Variants in ADGRV1 observed in about 807,000 individuals in gnomAD.
The protein encoded by ADGRV1 is G-protein coupled receptor 98.
ADGRV1 carries 359 observed loss-of-function variants against 596.2 expected under a neutral mutation model. The ratio of observed to expected loss-of-function variants is 0.60; its 90% CI spans 0.55 to 0.66. The LOEUF (loss-of-function observed/expected upper bound fraction) is 0.66, where lower values mean the gene tolerates loss of function less well. Among genes scored for constraint, ADGRV1 ranks in the 30% least tolerant of loss-of-function variants. The pLI is 0.00. For synonymous variants in ADGRV1, 2,681 were observed against 2,679.2 expected, an observed-to-expected ratio of 1.00 and a Z score of -0.02; for missense variants, 7,274 against 7,575.6, an observed-to-expected ratio of 0.96 and a Z score of 1.48.
intron 84 of ADGRV1, 32 bp from the exon 85 acceptor site, chr5:90,985,312 G>C: frequency 6.6e-7 from 1 of 1,524,698 alleles, no homozygotes; most frequent in Non-Finnish European, 8.9e-7. Context: ...TTAAAGAAGA[G>C]CCTGTTCATT....
chr5:90,972,190 A>C (rs1235979263), intron 84 of ADGRV1, among the ~76,000 whole-genome samples: 1 of 152,202 alleles, frequency 6.6e-6, no homozygotes, highest in Non-Finnish European at 1.5e-5. Flanking sequence ...AGGAGCACCC[A>C]GATTCATAAA....
intron 85 of ADGRV1, among the ~76,000 whole-genome samples, chr5:91,061,993 G>T (rs1032761860): frequency 6.6e-6 from 1 of 152,166 alleles, no homozygotes; most frequent in Non-Finnish European, 1.5e-5. Flanking sequence ...GAGTATAGCA[G>T]TATACCACAG....
intron 77 of ADGRV1, among the ~76,000 whole-genome samples, chr5:90,832,702 T>G (rs1186790819): frequency 6.6e-6 from 1 of 152,230 alleles, no homozygotes; most frequent in East Asian, 1.9e-4. Flanking sequence ...CAACATTTTC[T>G]TGTAGTAGTT....
In ADGRV1 at chr5:90,653,951, C is replaced by T. The variant is rs745380273; in HGVS notation, c.4377C>T (p.Asp1459=). ...IKSLKGEAIT[D]GPGILRIGAG... is the part of the protein sequence containing the mutation. The stretch of plus-strand genomic sequence containing the variant: ...GTCTGAAAGGAGAAGCCATTACTGA[C>T]GGTGAGGGTCATCATCACAACTAGG... Residue 1459 remains aspartate (D), a splice_region_variant and synonymous_variant, in exon 20 of 90, where the codon GAC becomes GAT. Transcript: ENST00000405460. 109 of 1,554,020 alleles carry T rather than the reference C, an allele frequency of 7.0e-5. No individual in the cohort carries two copies. Among genetic ancestry groups the T allele is most frequent in the Non-Finnish European group, 8.7e-5 (100 of 1,148,122 alleles).
At position 90,686,990 on chromosome 5, in the gene ADGRV1, T is replaced by C. The variant is rs994000879; in HGVS notation, c.6490+995T>C. ...GTGATGATGAGCATTTCTTCATGTG[T>C]TTTTTGGCTGCATAAATGTCTTCTT... On this transcript the variant is annotated intron_variant, in intron 29 of 89. Coordinates refer to ENST00000405460, the MANE Select transcript of ADGRV1 (RefSeq NM_032119.4). Among the ~76,000 whole-genome samples, 3 of 152,176 alleles carry C rather than the reference T, an allele frequency of 2.0e-5. 1 individual carries two copies. Among genetic ancestry groups the C allele is most frequent in the African/African-American group, 7.2e-5 (3 of 41,426 alleles).
chr5:90,699,144 G>A (rs1747577445), intron 34 of ADGRV1, among the ~76,000 whole-genome samples: 1 of 152,128 alleles, frequency 6.6e-6, no homozygotes, highest in African/African-American at 2.4e-5. Context: ...TCACTTTGCT[G>A]TGATATCCAA....
In ADGRV1 at chr5:90,625,253, T is replaced by C. The variant is rs1343056512; in HGVS notation, c.672+10T>C. 2.0e-6 allele frequency: 3 copies of C among 1,526,464 alleles called. No individual in the cohort carries two copies. Among genetic ancestry groups the C allele is most frequent in the Non-Finnish European group, 2.7e-6 (3 of 1,101,632 alleles). 94.6% of individuals were successfully genotyped at this position (1,526,464 alleles called of 1,614,324 possible). A position where few individuals can be genotyped will look rare whatever the true frequency, so the allele number is the denominator to read the frequency against. On this transcript the variant is annotated intron_variant, in intron 6 of 89. Transcript: ENST00000405460. Reference sequence around the variant, plus strand: ...AGTACTCGATGACGAGGTTGGCTAATGTTACATACCCAAATGGGACAAGGA... The same window carrying C: ...AGTACTCGATGACGAGGTTGGCTAACGTTACATACCCAAATGGGACAAGGA...
intron 76 of ADGRV1, among the ~76,000 whole-genome samples, 153 bp downstream of exon 76, chr5:90,823,749 A>G (rs1763822205): frequency 6.6e-6 from 1 of 152,238 alleles, no homozygotes; most frequent in South Asian, 2.1e-4. Flanking sequence ...TGCCGACAAC[A>G]GGCTTTAGAC....
chr5:90,681,166 T>G, intron 26 of ADGRV1, 149 bp from the exon 27 acceptor site: 1 of 803,472 alleles, frequency 1.2e-6, no homozygotes, highest in Non-Finnish European at 1.9e-6. Context: ...TGGCACCCAT[T>G]TGTGTCTGCC....
chr5:90,707,668 A>C, intron 38 of ADGRV1, among the ~76,000 whole-genome samples: 1 of 152,346 alleles, frequency 6.6e-6, no homozygotes, highest in Non-Finnish European at 1.5e-5. Flanking sequence ...TAACAATATA[A>C]ATAAATGGAT....
Position 90,723,642 on chromosome 5 carries a change from T to C in ADGRV1, c.9749-1190T>C, listed in dbSNP as rs146137197. The stretch of plus-strand genomic sequence containing the variant: ...AGTATACCTTTAAAAGGGAGCAACA[T>C]AAAAATTTAAAATGCTGGATTTTTA... On this transcript the variant is annotated intron_variant, in intron 45 of 89. Coordinates refer to ENST00000405460, the MANE Select transcript of ADGRV1 (RefSeq NM_032119.4). 1.7e-4 allele frequency among the ~76,000 whole-genome samples: 26 copies of C among 152,312 alleles called. No homozygotes were observed. The East Asian group carries it at 5.0e-3, about 29-fold the overall frequency.
chr5:90,595,900 C>A, intron 1 of ADGRV1, among the ~76,000 whole-genome samples: 1 of 149,176 alleles, frequency 6.7e-6, no homozygotes, highest in East Asian at 2.0e-4. Flanking sequence ...ACCCCCCCCA[C>A]CTCCCTCCCG....
At chr5:90,638,869 T>A (rs1380778299) in intron 11 of ADGRV1, among the ~76,000 whole-genome samples, 3 of 152,178 alleles carry the variant, frequency 2.0e-5, no homozygotes, top group Non-Finnish European at 2.9e-5. Context: ...AACACATTTT[T>A]AAAAATCTGA....
At chr5:91,032,523 T>A (rs963256768) in intron 85 of ADGRV1, among the ~76,000 whole-genome samples, 1 of 152,132 alleles carries the variant, frequency 6.6e-6, no homozygotes, top group Non-Finnish European at 1.5e-5. Context: ...ATTGTCTTCC[T>A]ACTTTCTATA....
intron 85 of ADGRV1, among the ~76,000 whole-genome samples, chr5:91,026,804 A>G (rs1355805302): frequency 6.6e-6 from 1 of 152,150 alleles, no homozygotes; most frequent in Admixed American, 6.5e-5. Context: ...TTTATACTGC[A>G]ACGAGAATAG....
intron 44 of ADGRV1, 75 bp downstream of exon 44, chr5:90,720,298 A>C: frequency 1.0e-6 from 1 of 955,016 alleles, no homozygotes. Context: ...AAGAAAATGC[A>C]GAAGGAAATT....
chr5:91,088,787 A>T (rs1163390528), intron 86 of ADGRV1, among the ~76,000 whole-genome samples: 1 of 152,192 alleles, frequency 6.6e-6, no homozygotes, highest in Non-Finnish European at 1.5e-5. Flanking sequence ...AGAGAAAAAA[A>T]ATCCTAGAAT....
intron 86 of ADGRV1, among the ~76,000 whole-genome samples, chr5:91,083,651 G>A (rs940695206): frequency 9.2e-4 from 140 of 152,168 alleles, no homozygotes; most frequent in African/African-American, 3.3e-3. Flanking sequence ...AACTGAAATA[G>A]CCTGCCTCAT....
At chr5:90,922,907 G>T (rs75858358) in intron 83 of ADGRV1, among the ~76,000 whole-genome samples, 1,591 of 152,278 alleles carry the variant, frequency 0.01, 16 homozygotes, top group Middle Eastern at 0.027. Context: ...TGCAGAAACT[G>T]TATCTTGTTC....
Sources: gnomAD v4.1 joint callset for allele counts (sites outside exome capture counted in the v4.1 genomes callset) on GRCh38, gnomAD v4.1.1 for gene constraint, MANE v1.5 for transcripts, NCBI Gene and HGNC (gene_info 2026-07-23, HGNC 2026-07-21) for gene names.